Variants in SPRR2G observed in about 807,000 individuals in gnomAD.
SPRR2G encodes small proline-rich protein 2G.
SPRR2G carries 1 observed loss-of-function variant against 0.7 expected under a neutral mutation model. That is an observed-to-expected ratio of 1.49 (90% CI 0.53 to 7.06). The LOEUF (loss-of-function observed/expected upper bound fraction) is 7.06. Ranked by LOEUF, SPRR2G falls within the 30% of genes most tolerant of loss-of-function variation. The pLI is 0.14. For missense variants in SPRR2G, 96 were observed against 88.5 expected (o/e 1.09, Z -0.34); for synonymous variants, 38 against 33.9 (o/e 1.12, Z -0.42).
At chr1:153,151,999 G>A (rs1391489858), upstream of SPRR2G, among the ~76,000 whole-genome samples, 2 of 152,060 alleles carry the variant, frequency 1.3e-5, no homozygotes, top group African/African-American at 4.8e-5. Flanking sequence ...CTACTGTGTG[G>A]AACTAAATAT....
At chr1:153,166,938 A>G in the SPRR2G span, among the ~76,000 whole-genome samples, 1 of 152,154 alleles carries the variant, frequency 6.6e-6, no homozygotes, top group Non-Finnish European at 1.5e-5. Context: ...GGAAAAAAAA[A>G]TCCACTTGAA....
upstream of SPRR2G, among the ~76,000 whole-genome samples, chr1:153,155,814 G>T (rs974235581): frequency 2.0e-5 from 3 of 152,052 alleles, no homozygotes; most frequent in African/African-American, 4.8e-5. Flanking sequence ...TTGTTTTACC[G>T]GGTTAATGTC....
At chr1:153,175,892 AC>A in the SPRR2G span, among the ~76,000 whole-genome samples, 1 of 152,098 alleles carries the variant, frequency 6.6e-6, no homozygotes, top group Non-Finnish European at 1.5e-5. Flanking sequence ...CTCCGTCTCT[AC>A]TAAAAATACA....
the SPRR2G span, chr1:153,176,463 G>C: frequency 6.6e-6 from 1 of 152,104 alleles, no homozygotes; most frequent in Non-Finnish European, 1.5e-5. Context: ...TTTTATCCTA[G>C]ATAAAACTGG....
the SPRR2G span, among the ~76,000 whole-genome samples, chr1:153,158,845 A>C: frequency 6.6e-6 from 1 of 152,158 alleles, no homozygotes; most frequent in Non-Finnish European, 1.5e-5. Flanking sequence ...CACCATATGG[A>C]AGCTGCCAAG....
At chr1:153,184,336 A>C in the SPRR2G span, among the ~76,000 whole-genome samples, 2 of 152,142 alleles carry the variant, frequency 1.3e-5, no homozygotes, top group Non-Finnish European at 2.9e-5. Flanking sequence ...CTTCCTGTCC[A>C]TGAGCATGGA....
chr1:153,193,054 G>A, the SPRR2G span, among the ~76,000 whole-genome samples: 1 of 152,044 alleles, frequency 6.6e-6, no homozygotes, highest in Non-Finnish European at 1.5e-5. Flanking sequence ...CTTGTCCGCT[G>A]ACCAGCCCAG....
At chr1:153,170,841 C>T in the SPRR2G span, among the ~76,000 whole-genome samples, 22 of 152,150 alleles carry the variant, frequency 1.4e-4, no homozygotes, top group Non-Finnish European at 3.1e-4. Context: ...TATGGTGATT[C>T]AGGCCAGGAC....
At chr1:153,187,648 G>C in the SPRR2G span, among the ~76,000 whole-genome samples, 1 of 152,054 alleles carries the variant, frequency 6.6e-6, no homozygotes, top group Non-Finnish European at 1.5e-5. Context: ...GTTAGAACAT[G>C]CTCCTTTAGC....
At chr1:153,164,106 C>T in the SPRR2G span, among the ~76,000 whole-genome samples, 2 of 152,172 alleles carry the variant, frequency 1.3e-5, no homozygotes, top group African/African-American at 4.8e-5. Flanking sequence ...TCGTTCTCAA[C>T]TGCGTTTTTC....
At chr1:153,160,080 C>G in the SPRR2G span, among the ~76,000 whole-genome samples, 1 of 152,140 alleles carries the variant, frequency 6.6e-6, no homozygotes, top group Non-Finnish European at 1.5e-5. Flanking sequence ...TACCCCAGAC[C>G]CTGGCAACCA....
At chr1:153,154,369 C>T (rs1656537210), upstream of SPRR2G, among the ~76,000 whole-genome samples, 1 of 151,956 alleles carries the variant, frequency 6.6e-6, no homozygotes, top group Non-Finnish European at 1.5e-5. Context: ...CATCCTCATA[C>T]AATGAATTTG....
chr1:153,151,075 G>A (rs1348520729), upstream of SPRR2G, among the ~76,000 whole-genome samples: 2 of 152,170 alleles, frequency 1.3e-5, no homozygotes, highest in African/African-American at 2.4e-5. Flanking sequence ...GATTCACTTG[G>A]GACATTATCT....
At chr1:153,154,844 C>A (rs1196862124), upstream of SPRR2G, among the ~76,000 whole-genome samples, 1 of 152,092 alleles carries the variant, frequency 6.6e-6, no homozygotes, top group Non-Finnish European at 1.5e-5. Context: ...CCATGGCAGT[C>A]TGGATTTAGC....
chr1:153,200,848 C>T, the SPRR2G span, among the ~76,000 whole-genome samples: 11 of 152,096 alleles, frequency 7.2e-5, no homozygotes, highest in South Asian at 2.1e-4. Flanking sequence ...TTCAGGCATG[C>T]GCCACCACGC....
chr1:153,152,489 A>G (rs1656492922), upstream of SPRR2G, among the ~76,000 whole-genome samples: 1 of 152,166 alleles, frequency 6.6e-6, no homozygotes, highest in Non-Finnish European at 1.5e-5. Flanking sequence ...AAAACTGAGG[A>G]CCTAACATGG....
chr1:153,171,091 T>C, the SPRR2G span, among the ~76,000 whole-genome samples: 2 of 152,208 alleles, frequency 1.3e-5, no homozygotes, highest in African/African-American at 4.8e-5. Context: ...GCTGTTCTTG[T>C]CACTAGTGTT....
At chr1:153,183,931 T>C in the SPRR2G span, among the ~76,000 whole-genome samples, 1 of 152,326 alleles carries the variant, frequency 6.6e-6, no homozygotes, top group East Asian at 1.9e-4. Context: ...TTCAGCTTTC[T>C]ACATGTGGTT....
chr1:153,188,448 G>A, the SPRR2G span, among the ~76,000 whole-genome samples: 1 of 152,146 alleles, frequency 6.6e-6, no homozygotes, highest in Non-Finnish European at 1.5e-5. Flanking sequence ...CAGCCGCTTT[G>A]CCATGCTGTG....
Sources: allele counts gnomAD v4.1 joint callset (sites outside exome capture counted in the v4.1 genomes callset), GRCh38; gene constraint gnomAD v4.1.1; transcripts MANE v1.5; gene names NCBI Gene and HGNC (gene_info 2026-07-23, HGNC 2026-07-21).